Variants in DOCK10 observed in about 807,000 individuals in gnomAD.
The protein encoded by DOCK10 is dedicator of cytokinesis 10.
DOCK10 carries 145 observed loss-of-function variants against 280.1 expected under a neutral mutation model. The ratio of observed to expected loss-of-function variants is 0.52; its 90% CI spans 0.45 to 0.59. The LOEUF (loss-of-function observed/expected upper bound fraction) is 0.59, where lower values mean the gene tolerates loss of function less well. Among genes scored for constraint, DOCK10 ranks in the 20% least tolerant of loss-of-function variants. The probability of loss-of-function intolerance (pLI) is 0.00; values close to 1 mark genes in which losing one functional copy is unlikely to be tolerated. For synonymous variants in DOCK10, 915 were observed against 942.2 expected (o/e 0.97, Z 0.53); for missense variants, 2,368 against 2,651.7 (o/e 0.89, Z 2.35).
intron 38 of DOCK10, 133 bp from the exon 39 acceptor site, chr2:224,804,346 C>A: frequency 1.8e-6 from 1 of 560,566 alleles, no homozygotes; most frequent in Non-Finnish European, 3.1e-6. Flanking sequence ...AAATAAAACC[C>A]TGTTTTCTTT....
intron 3 of DOCK10, among the ~76,000 whole-genome samples, chr2:224,909,846 T>A (rs1700912259): frequency 1.1e-5 from 1 of 88,062 alleles, no homozygotes; most frequent in African/African-American, 3.5e-5. Flanking sequence ...GTGTGGGGAA[T>A]GTTTAATTTT....
chr2:224,802,377 T>G (rs1693073446), intron 39 of DOCK10, among the ~76,000 whole-genome samples: 1 of 152,172 alleles, frequency 6.6e-6, no homozygotes, highest in Non-Finnish European at 1.5e-5. Context: ...GAAGGCACAG[T>G]GGTGGACATT....
chr2:224,946,841 A>T (rs1434707733), intron 1 of DOCK10: 2 of 1,514,040 alleles, frequency 1.3e-6, no homozygotes, highest in Non-Finnish European at 1.8e-6. Context: ...ACATTTGGAT[A>T]CCTACAGAAC....
chr2:225,014,781 A>G (rs1575165907), intron 1 of DOCK10, among the ~76,000 whole-genome samples: 4 of 152,228 alleles, frequency 2.6e-5, no homozygotes, highest in African/African-American at 9.6e-5. Context: ...CATTTTTAAT[A>G]CATTAGTTCT....
intron 2 of DOCK10, among the ~76,000 whole-genome samples, chr2:224,923,734 C>A (rs935333300): frequency 6.6e-6 from 1 of 152,246 alleles, no homozygotes; most frequent in African/African-American, 2.4e-5. Flanking sequence ...TGCTCCTCTG[C>A]CTCTCCAAAA....
At chr2:224,804,644 C>T in intron 38 of DOCK10, 150 bp downstream of exon 38, 1 of 595,956 alleles carries the variant, frequency 1.7e-6, no homozygotes, top group Non-Finnish European at 2.9e-6. Flanking sequence ...AATCTTCAAA[C>T]TTACTGTGTC....
At chr2:224,972,408 T>C (rs1384766604) in intron 1 of DOCK10, among the ~76,000 whole-genome samples, 3 of 152,218 alleles carry the variant, frequency 2.0e-5, no homozygotes, top group Non-Finnish European at 4.4e-5. Flanking sequence ...TTTCTACCTT[T>C]ATGACCCATA....
chr2:224,888,339 G>A (rs1039368190), intron 4 of DOCK10, among the ~76,000 whole-genome samples: 40 of 151,814 alleles, frequency 2.6e-4, no homozygotes, highest in African/African-American at 9.2e-4. Context: ...GTATACATGT[G>A]TGAATACATA....
chr2:225,010,724 TG>T (rs1689409563), intron 1 of DOCK10, among the ~76,000 whole-genome samples: 1 of 150,174 alleles, frequency 6.7e-6, no homozygotes, highest in Admixed American at 6.6e-5. Flanking sequence ...GATTAAAAGT[TG>T]AAAAAGAAAT....
intron 2 of DOCK10, among the ~76,000 whole-genome samples, chr2:224,917,321 G>A (rs1249184453): frequency 2.0e-5 from 3 of 151,850 alleles, no homozygotes; most frequent in East Asian, 3.9e-4. Context: ...TGGCCAGGCT[G>A]GTCCTGAACT....
rs1486453844 is a variant in DOCK10 at position 224,837,835 on chromosome 2, C to A, written c.2781-4G>T. On this transcript the variant is annotated splice_polypyrimidine_tract_variant and splice_region_variant and intron_variant, in intron 24 of 55. Coordinates refer to ENST00000258390, the MANE Select transcript of DOCK10 (RefSeq NM_014689.3). ...GGCCACAATGTCGGTCAGAACCCTGCAAAAGCAAAGCTGTTCAGTGGCCTT... is the reference window on the plus strand; with the variant it reads ...GGCCACAATGTCGGTCAGAACCCTGAAAAAGCAAAGCTGTTCAGTGGCCTT... 41 of 1,613,524 alleles carry A rather than the reference C, an allele frequency of 2.5e-5. No homozygotes were observed. Among genetic ancestry groups the A allele is most frequent in the Non-Finnish European group, 3.5e-5 (41 of 1,179,698 alleles).
At chr2:224,985,622 T>C (rs965234995) in intron 1 of DOCK10, among the ~76,000 whole-genome samples, 2 of 124,880 alleles carry the variant, frequency 1.6e-5, no homozygotes, top group African/African-American at 6.5e-5. Flanking sequence ...TAAAAGGAGG[T>C]TAAGGAGGAA....
At chr2:224,784,707 A>G (rs1274299597) in intron 50 of DOCK10, 13 of 1,289,590 alleles carry the variant, frequency 1.0e-5, no homozygotes, top group Non-Finnish European at 1.3e-5. Flanking sequence ...AGAGCATGCA[A>G]ATGGAGAGCG....
chr2:224,845,725 C>T lies in DOCK10; in HGVS notation c.2236-83G>A, dbSNP rs918394148. 1.4e-5 allele frequency: 19 copies of T among 1,348,126 alleles called. No individual in the cohort carries two copies. In the African/African-American group the frequency reaches 2.5e-4, roughly 18 times the overall value. The allele number at this position is 1,348,126 out of a possible 1,614,324, so 83.5% of individuals were successfully genotyped here. A position where few individuals can be genotyped will look rare whatever the true frequency, so the allele number is the denominator to read the frequency against. On this transcript the variant is annotated intron_variant, in intron 19 of 55. Transcript: ENST00000258390. ...GCAAGACAAAGCATAGCTTTTTAAA[C>T]AATCTTTTTTTTTTTTGAGACTGCG...
chr2:224,860,081 T>C (rs1559585540), intron 14 of DOCK10, among the ~76,000 whole-genome samples: 1 of 152,228 alleles, frequency 6.6e-6, no homozygotes, highest in Non-Finnish European at 1.5e-5. Context: ...ACCAGACCAC[T>C]AATTGGGCAT....
At position 224,876,056 on chromosome 2, in the gene DOCK10, G is replaced by T. The variant is rs369935309; in HGVS notation, c.913C>A (p.Leu305Ile). The T allele has an allele frequency of 6.2e-7, 1 of 1,613,478 alleles. No individual in the cohort carries two copies. The highest frequency in any genetic ancestry group is 8.5e-7 in the Non-Finnish European group (1 of 1,179,746). ...CTCTCACCCAGACCCAGATCAGTGA[G>T]CTCTGTGCTCCTCCTCCCTTGGAGG... The part of the protein sequence containing the change: ...GPLQGRRSTE[L>I]TDLGLDSLDN... The change falls in exon 8 of 56, where the codon CTC becomes ATC. Residue 305 changes from leucine (L) to isoleucine (I), a missense_variant. Physicochemically the swap from Leu to Ile is conservative, Grantham distance 5. Transcript: ENST00000258390.
chr2:224,816,917 G>A (rs1052901607), intron 29 of DOCK10, among the ~76,000 whole-genome samples: 1 of 152,134 alleles, frequency 6.6e-6, no homozygotes, highest in Non-Finnish European at 1.5e-5. Flanking sequence ...GACTGGTCAA[G>A]GCCTCTTCAG....
intron 1 of DOCK10, among the ~76,000 whole-genome samples, chr2:224,950,328 T>C (rs978772000): frequency 6.6e-6 from 1 of 152,270 alleles, no homozygotes; most frequent in Non-Finnish European, 1.5e-5. Context: ...ATGTGCTGGA[T>C]GCTGGTCTAA....
intron 3 of DOCK10, among the ~76,000 whole-genome samples, chr2:224,911,884 T>C (rs1457477168): frequency 6.6e-6 from 1 of 152,244 alleles, no homozygotes; most frequent in Non-Finnish European, 1.5e-5. Context: ...CTATGTTTGC[T>C]GAATGTAATT....
Sources: allele counts gnomAD v4.1 joint callset (sites outside exome capture counted in the v4.1 genomes callset), GRCh38; gene constraint gnomAD v4.1.1; transcripts MANE v1.5; gene names NCBI Gene and HGNC (gene_info 2026-07-23, HGNC 2026-07-21).